MTUS1: variants seen among roughly 807,000 people sequenced by gnomAD.
MTUS1 encodes microtubule-associated tumor suppressor 1.
In MTUS1, 109 loss-of-function variants were observed where a neutral mutation model predicts 120.8. That is an observed-to-expected ratio of 0.90 (90% CI 0.77 to 1.06). The LOEUF (loss-of-function observed/expected upper bound fraction) is 1.06, where lower values mean the gene tolerates loss of function less well. MTUS1 is among the 50% of genes least tolerant of loss of function. The pLI is 0.00. For missense variants in MTUS1, 2,210 were observed against 1,486.3 expected (o/e 1.49, Z -8.01); for synonymous variants, 737 against 550.5 (o/e 1.34, Z -4.74).
At chr8:17,719,001 C>G (rs1822880931) in intron 4 of MTUS1, among the ~76,000 whole-genome samples, 1 of 152,018 alleles carries the variant, frequency 6.6e-6, no homozygotes, top group African/African-American at 2.4e-5. Flanking sequence ...AAAACCCTGT[C>G]TCTACTGAAA....
chr8:17,787,503 A>G (rs1057010789), intron 1 of MTUS1, among the ~76,000 whole-genome samples: 4 of 152,176 alleles, frequency 2.6e-5, no homozygotes, highest in African/African-American at 9.7e-5. Context: ...GAAATCACCT[A>G]AACACCTGGT....
intron 5 of MTUS1, 100 bp downstream of exon 5, chr8:17,715,667 T>C: frequency 8.3e-7 from 1 of 1,200,856 alleles, no homozygotes; most frequent in Non-Finnish European, 1.2e-6. Context: ...GTAATCATTG[T>C]TGACTATACC....
At chr8:17,774,014 C>CT (rs2050210879) in intron 1 of MTUS1, among the ~76,000 whole-genome samples, 1 of 152,158 alleles carries the variant, frequency 6.6e-6, no homozygotes, top group Non-Finnish European at 1.5e-5. Context: ...ACATTCTCTC[C>CT]TTTAGCTCCC....
At chr8:17,772,463 A>G (rs17125330) in intron 1 of MTUS1, among the ~76,000 whole-genome samples, 2,174 of 152,300 alleles carry the variant, frequency 0.014, 56 homozygotes, top group African/African-American at 0.049. Flanking sequence ...CTGTCATATT[A>G]TATCTGCTAA....
intron 8 of MTUS1, among the ~76,000 whole-genome samples, chr8:17,661,932 C>T (rs767111122): frequency 1.3e-5 from 2 of 152,162 alleles, no homozygotes; most frequent in African/African-American, 2.4e-5. Context: ...GTGGCCTGGG[C>T]TGCGAAGGAA....
chr8:17,779,172 T>C (rs1175154100), intron 1 of MTUS1, among the ~76,000 whole-genome samples: 2 of 152,214 alleles, frequency 1.3e-5, no homozygotes, highest in Non-Finnish European at 2.9e-5. Flanking sequence ...TCTAAATGTG[T>C]CATTACAGCA....
intron 2 of MTUS1, among the ~76,000 whole-genome samples, chr8:17,745,217 T>C (rs1182214460): frequency 6.6e-6 from 1 of 152,206 alleles, no homozygotes; most frequent in African/African-American, 2.4e-5. Context: ...CAGTTGTCCC[T>C]CGGTATCAAA....
intron 5 of MTUS1, among the ~76,000 whole-genome samples, chr8:17,715,450 G>C: frequency 6.6e-6 from 1 of 152,178 alleles, no homozygotes; most frequent in East Asian, 1.9e-4. Flanking sequence ...CTGATGAAAA[G>C]TAATCATGCA....
intron 8 of MTUS1, among the ~76,000 whole-genome samples, chr8:17,661,076 A>C (rs1290385924): frequency 1.3e-5 from 2 of 152,172 alleles, no homozygotes; most frequent in African/African-American, 4.8e-5. Context: ...CTTCTATTAC[A>C]CTAGTAACCA....
At chr8:17,697,754 A>C (rs17125140) in intron 6 of MTUS1, 531,135 of 984,952 alleles carry the variant, frequency 0.54, 145,777 homozygotes, top group Middle Eastern at 0.6. Flanking sequence ...TTTACAGAAC[A>C]ACCAATAATG....
intron 3 of MTUS1, among the ~76,000 whole-genome samples, chr8:17,726,855 T>C (rs1485651234): frequency 6.6e-6 from 1 of 152,182 alleles, no homozygotes; most frequent in Non-Finnish European, 1.5e-5. Flanking sequence ...CAGATCAAAA[T>C]GACTGGGCCA....
At chr8:17,713,352 C>A in intron 5 of MTUS1, 100 bp from the exon 6 acceptor site, 4 of 768,378 alleles carry the variant, frequency 5.2e-6, no homozygotes, top group Non-Finnish European at 8.6e-6. Context: ...AACAATCAAT[C>A]GCTACATTTC....
At chr8:17,709,858 T>C (rs556831888) in intron 6 of MTUS1, among the ~76,000 whole-genome samples, 1 of 151,916 alleles carries the variant, frequency 6.6e-6, no homozygotes, top group Admixed American at 6.6e-5. Flanking sequence ...ATACAAAAAA[T>C]TAGCCGGGCA....
chr8:17,731,094 G>A (rs533944093), intron 3 of MTUS1, among the ~76,000 whole-genome samples: 24 of 152,222 alleles, frequency 1.6e-4, no homozygotes, highest in Non-Finnish European at 2.9e-4. Context: ...AGATTAATAC[G>A]GTGGTATATA....
intron 12 of MTUS1, 126 bp downstream of exon 12, chr8:17,653,060 C>T: frequency 3.3e-6 from 2 of 614,092 alleles, no homozygotes. Context: ...CCTTAGAAAG[C>T]ACATTGCCAG....
chr8:17,707,408 A>G (rs1820387914), intron 6 of MTUS1, among the ~76,000 whole-genome samples: 1 of 152,218 alleles, frequency 6.6e-6, no homozygotes, highest in Admixed American at 6.5e-5. Context: ...GTTAGTCTTA[A>G]GTCATGATAA....
intron 6 of MTUS1, among the ~76,000 whole-genome samples, chr8:17,688,337 C>A (rs1816262744): frequency 6.6e-6 from 1 of 152,304 alleles, no homozygotes; most frequent in South Asian, 2.1e-4. Flanking sequence ...CAGAGAGGCA[C>A]AAAGACACCA....
rs1008719121 is a variant in MTUS1 at position 17,674,513 on chromosome 8, G to T, written c.2905+673C>A. 6 of 985,244 alleles carry T rather than the reference G, an allele frequency of 6.1e-6. No individual in the cohort carries two copies. The South Asian group carries it at 1.9e-4, about 31-fold the overall frequency. The allele number at this position is 985,244 out of a possible 1,614,324, so 61.0% of individuals were successfully genotyped here. On this transcript the variant is annotated intron_variant, in intron 8 of 14. Coordinates refer to ENST00000693296, the MANE Select transcript of MTUS1 (RefSeq NM_001363059.2). ...ATGAACCCTAAGGGCTTCCAGGAGAGAATGGAACTAAAATAACAGCGTAGC... is the reference window on the plus strand; with the variant it reads ...ATGAACCCTAAGGGCTTCCAGGAGATAATGGAACTAAAATAACAGCGTAGC...
intron 2 of MTUS1, among the ~76,000 whole-genome samples, chr8:17,748,647 T>C (rs2047952321): frequency 6.6e-6 from 1 of 152,200 alleles, no homozygotes. Context: ...GCACACAGCA[T>C]GCTCCTGCCG....
Sources: gnomAD v4.1 joint callset for allele counts (sites outside exome capture counted in the v4.1 genomes callset) on GRCh38, gnomAD v4.1.1 for gene constraint, MANE v1.5 for transcripts, NCBI Gene and HGNC (gene_info 2026-07-23, HGNC 2026-07-21) for gene names.